Variants in COL22A1 observed in about 807,000 individuals in gnomAD.
The protein encoded by COL22A1 is collagen alpha-1(XXII) chain.
Under a neutral mutation model 248.9 loss-of-function variants are expected in COL22A1, and 221 were observed. The ratio of observed to expected loss-of-function variants is 0.89; its 90% CI spans 0.80 to 0.99. The LOEUF is 0.99. Ranked by LOEUF, COL22A1 falls within the 50% of genes least tolerant of loss-of-function variation. COL22A1 has a pLI of 0.00. For missense variants in COL22A1, 2,240 were observed against 2,179.0 expected, an observed-to-expected ratio of 1.03 and a Z score of -0.56; for synonymous variants, 891 against 793.4, an observed-to-expected ratio of 1.12 and a Z score of -2.07.
chr8:138,845,322 A>T (rs1821165472), intron 3 of COL22A1, among the ~76,000 whole-genome samples: 1 of 152,056 alleles, frequency 6.6e-6, no homozygotes, highest in Non-Finnish European at 1.5e-5. Context: ...CAGCCTGGCC[A>T]ACATGGTGAA....
intron 22 of COL22A1, among the ~76,000 whole-genome samples, chr8:138,746,240 G>C (rs570453441): frequency 1.3e-5 from 2 of 152,164 alleles, no homozygotes; most frequent in Non-Finnish European, 2.9e-5. Context: ...CCATGCCCAG[G>C]TTCCAGCCTG....
intron 52 of COL22A1, chr8:138,620,491 T>C (rs1181493980): frequency 1.3e-5 from 2 of 152,190 alleles, no homozygotes; most frequent in African/African-American, 4.8e-5. Context: ...TTTAGCTGTG[T>C]GATCTTAAAG....
intron 4 of COL22A1, among the ~76,000 whole-genome samples, chr8:138,835,667 C>G (rs929972552): frequency 1.3e-5 from 2 of 152,166 alleles, no homozygotes; most frequent in African/African-American, 2.4e-5. Flanking sequence ...TGTAACGCAG[C>G]CTTGGTCCCT....
chr8:138,771,596 A>C (rs1004303571), intron 16 of COL22A1, among the ~76,000 whole-genome samples: 3 of 152,248 alleles, frequency 2.0e-5, no homozygotes, highest in Non-Finnish European at 4.4e-5. Flanking sequence ...CGCTACATGG[A>C]AAAAAGCCTG....
chr8:138,642,365 A>C (rs1225414103), intron 47 of COL22A1, among the ~76,000 whole-genome samples: 2 of 152,206 alleles, frequency 1.3e-5, no homozygotes, highest in Non-Finnish European at 2.9e-5. Context: ...AGGAAATAGT[A>C]ACCTGCTCCT....
intron 36 of COL22A1, among the ~76,000 whole-genome samples, 196 bp from the exon 37 acceptor site, chr8:138,689,166 G>GC (rs1016124110): frequency 1.1e-4 from 13 of 114,692 alleles, no homozygotes; most frequent in Non-Finnish European, 1.6e-4. Flanking sequence ...CCCGGGGGGG[G>GC]GGCTGGCCTT....
intron 49 of COL22A1, among the ~76,000 whole-genome samples, chr8:138,633,043 C>G (rs1172831382): frequency 6.6e-6 from 1 of 152,130 alleles, no homozygotes; most frequent in Non-Finnish European, 1.5e-5. Context: ...CAGCTCGCTA[C>G]CCATATCCCT....
intron 3 of COL22A1, among the ~76,000 whole-genome samples, chr8:138,851,339 G>A (rs1244707629): frequency 6.6e-6 from 1 of 152,200 alleles, no homozygotes; most frequent in Non-Finnish European, 1.5e-5. Context: ...CAGCTAGAGT[G>A]GCAGGACGAG....
chr8:138,759,178 C>T (rs1016291871), intron 18 of COL22A1, among the ~76,000 whole-genome samples: 2 of 152,172 alleles, frequency 1.3e-5, no homozygotes, highest in African/African-American at 4.8e-5. Flanking sequence ...TCTCCAGCCC[C>T]CATCCTAAGC....
chr8:138,770,588 G>A (rs2131454858), intron 16 of COL22A1, among the ~76,000 whole-genome samples: 1 of 152,384 alleles, frequency 6.6e-6, no homozygotes, highest in South Asian at 2.1e-4. Context: ...TGTTGGGCAA[G>A]GCCAGGCAGC....
At chr8:138,720,234 C>T (rs1035411103) in intron 27 of COL22A1, among the ~76,000 whole-genome samples, 4 of 152,168 alleles carry the variant, frequency 2.6e-5, no homozygotes, top group Admixed American at 6.5e-5. Context: ...CTGAACTCTA[C>T]GGATTGCATC....
chr8:138,603,181 T>G (rs552032042), intron 59 of COL22A1, among the ~76,000 whole-genome samples: 3 of 152,302 alleles, frequency 2.0e-5, no homozygotes, highest in East Asian at 3.9e-4. Context: ...CTGAGACCTA[T>G]GCAGAGGACA....
At chr8:138,737,671 T>C in intron 22 of COL22A1, 94 bp from the exon 23 acceptor site, 2 of 808,152 alleles carry the variant, frequency 2.5e-6, no homozygotes, top group Non-Finnish European at 2.1e-6. Flanking sequence ...TGGGTCTTTA[T>C]TACTCTCAAC....
intron 3 of COL22A1, among the ~76,000 whole-genome samples, chr8:138,852,320 G>A (rs1008901140): frequency 3.9e-5 from 6 of 152,120 alleles, no homozygotes; most frequent in East Asian, 1.9e-4. Context: ...TCCTTGTGGT[G>A]GGGGTAGAGG....
chr8:138,749,720 C>T lies in COL22A1; in HGVS notation c.2085+1738G>A, dbSNP rs776401585. On this transcript the variant is annotated intron_variant, in intron 22 of 64. Coordinates refer to ENST00000303045, the MANE Select transcript of COL22A1 (RefSeq NM_152888.3). ...TGCAAGGGTCACACAGCTGCTGAGACGTGGATCAGCACTTCAATCCCAGGT... is the reference window on the plus strand; with the variant it reads ...TGCAAGGGTCACACAGCTGCTGAGATGTGGATCAGCACTTCAATCCCAGGT... Among the ~76,000 whole-genome samples, 14 of 152,142 alleles carry T rather than the reference C, an allele frequency of 9.2e-5. No individual in the cohort carries two copies. The East Asian group carries it at 1.7e-3, about 19-fold the overall frequency.
At chr8:138,598,422 T>G (rs962442025) in intron 61 of COL22A1, among the ~76,000 whole-genome samples, 1 of 152,212 alleles carries the variant, frequency 6.6e-6, no homozygotes, top group East Asian at 1.9e-4. Context: ...AATTAAGTCT[T>G]AAGGATTCAT....
chr8:138,878,582 G>A (rs79048190), intron 2 of COL22A1, among the ~76,000 whole-genome samples: 44 of 152,222 alleles, frequency 2.9e-4, no homozygotes, highest in African/African-American at 9.4e-4. Flanking sequence ...AACACCCACC[G>A]CACAGCACTA....
Position 138,789,478 on chromosome 8 carries a change from C to T in COL22A1, c.1596+7341G>A, listed in dbSNP as rs116657052. Among the ~76,000 whole-genome samples, 1,086 of 152,142 alleles carry T rather than the reference C, an allele frequency of 7.1e-3. 16 individuals carry two copies. The highest frequency in any genetic ancestry group is 0.025 in the African/African-American group (1,039 of 41,482). On this transcript the variant is annotated intron_variant, in intron 12 of 64. Coordinates refer to ENST00000303045, the MANE Select transcript of COL22A1 (RefSeq NM_152888.3). ...CAGCCATGAACAAAGAGAAAAGGAC[C>T]CAGAGCTAGAGGCAAATGGCGTCAA...
intron 58 of COL22A1, 120 bp from the exon 59 acceptor site, chr8:138,604,889 G>T (rs932171950): frequency 5.4e-5 from 50 of 924,754 alleles, no homozygotes; most frequent in Non-Finnish European, 8.4e-5. Context: ...ACAATCGATG[G>T]TCTACCTGGC....
Sources: gnomAD v4.1 joint callset for allele counts (sites outside exome capture counted in the v4.1 genomes callset) on GRCh38, gnomAD v4.1.1 for gene constraint, MANE v1.5 for transcripts, NCBI Gene and HGNC (gene_info 2026-07-23, HGNC 2026-07-21) for gene names.